The following SPG11 variants were observed in gnomAD, a reference collection of about 807,000 sequenced individuals.
The protein encoded by SPG11 is spatacsin.
Under a neutral mutation model 274.0 loss-of-function variants are expected in SPG11, and 222 were observed. The observed-to-expected ratio is 0.81, with a 90% CI of 0.73 to 0.91. The LOEUF (loss-of-function observed/expected upper bound fraction) is 0.91. Among genes scored for constraint, SPG11 ranks in the 40% least tolerant of loss-of-function variants. The pLI, the probability that SPG11 is intolerant of heterozygous loss-of-function variation, is 0.00. For missense variants in SPG11, 3,114 were observed against 2,872.7 expected, an observed-to-expected ratio of 1.08 and a Z score of -1.92; for synonymous variants, 1,144 against 1,039.7, an observed-to-expected ratio of 1.10 and a Z score of -1.93.
At position 44,564,539 on chromosome 15, in the gene SPG11, A is replaced by G. The variant is rs772301782; in HGVS notation, c.7151+8T>C. ...GAGCAATGTTTACAGTCAACTTTTA[A>G]TACTTACTTTTTGGAAATCTCTTCA... On this transcript the variant is annotated splice_region_variant and intron_variant, in intron 39 of 39. Coordinates refer to ENST00000261866, the MANE Select transcript of SPG11 (RefSeq NM_025137.4). The G allele has an allele frequency of 1.2e-6, 2 of 1,613,396 alleles. No homozygotes were observed. Among genetic ancestry groups the G allele is most frequent in the Non-Finnish European group, 1.7e-6 (2 of 1,179,826 alleles).
chr15:44,662,254 G>T (rs1863755), intron 1 of SPG11, among the ~76,000 whole-genome samples: 150,763 of 152,350 alleles, frequency 0.99, 74,613 homozygotes, highest in Middle Eastern at 1. Context: ...ATTCACTGAT[G>T]TATCAAATGA....
At chr15:44,600,752 T>A (rs2083164869) in intron 20 of SPG11, 120 bp from the exon 21 acceptor site, 13 of 1,031,098 alleles carry the variant, frequency 1.3e-5, no homozygotes, top group Non-Finnish European at 1.9e-5. Context: ...TCACTACGTA[T>A]CACTTTGAAT....
At chr15:44,568,410 A>G (rs768922339) in intron 35 of SPG11, among the ~76,000 whole-genome samples, 2 of 152,170 alleles carry the variant, frequency 1.3e-5, no homozygotes, top group Non-Finnish European at 2.9e-5. Flanking sequence ...TATTAAAGAG[A>G]GATTTTTTTC....
At chr15:44,619,453 T>C (rs2083678419) in intron 15 of SPG11, among the ~76,000 whole-genome samples, 2 of 152,190 alleles carry the variant, frequency 1.3e-5, no homozygotes, top group South Asian at 2.1e-4. Flanking sequence ...GTTTAAAATC[T>C]TCACATCACT....
intron 4 of SPG11, 110 bp from the exon 5 acceptor site, chr15:44,652,376 C>A (rs937268180): frequency 3.4e-6 from 4 of 1,160,860 alleles, no homozygotes; most frequent in Non-Finnish European, 5.0e-6. Flanking sequence ...AATAGTACAA[C>A]AAATTCCGCA....
intron 8 of SPG11, among the ~76,000 whole-genome samples, chr15:44,630,910 C>T (rs2084043117): frequency 6.6e-6 from 1 of 151,962 alleles, no homozygotes; most frequent in African/African-American, 2.4e-5. Flanking sequence ...AATATCTTTC[C>T]ACCACATATG....
Position 44,620,304 on chromosome 15 carries a change from T to G in SPG11, c.2720A>C (p.His907Pro). 6.2e-7 allele frequency: 1 copy of G among 1,614,098 alleles called. No homozygotes were observed. The highest frequency in any genetic ancestry group is 8.5e-7 in the Non-Finnish European group (1 of 1,179,940). ...GTTCTGCTGAAGTGAAGCATAACTATGCTGGGTTTGAAATTCTCCAATCCA... is the reference window on the plus strand; with the variant it reads ...GTTCTGCTGAAGTGAAGCATAACTAGGCTGGGTTTGAAATTCTCCAATCCA... The part of the protein sequence containing the change: ...ILWIGEFQTQ[H>P]SYASLQQNKW... The change falls in exon 15 of 40, where the codon CAT becomes CCT. Residue 907 changes from histidine to proline, a missense_variant. By Grantham distance (77) the His-to-Pro change is moderately conservative. Coordinates refer to ENST00000261866, the MANE Select transcript of SPG11 (RefSeq NM_025137.4).
At chr15:44,627,960 C>T (rs2083951745) in intron 10 of SPG11, among the ~76,000 whole-genome samples, 1 of 152,130 alleles carries the variant, frequency 6.6e-6, no homozygotes, top group Non-Finnish European at 1.5e-5. Flanking sequence ...GTACTTTAAT[C>T]CCTCCACCCC....
At chr15:44,639,005 T>A (rs562979147) in intron 7 of SPG11, among the ~76,000 whole-genome samples, 1,859 of 149,384 alleles carry the variant, frequency 0.012, 48 homozygotes, top group African/African-American at 0.044. Flanking sequence ...AAAAAAAAAA[T>A]AATAATAATA....
intron 7 of SPG11, among the ~76,000 whole-genome samples, chr15:44,639,212 G>A (rs2084368364): frequency 6.6e-6 from 1 of 151,302 alleles, no homozygotes; most frequent in East Asian, 1.9e-4. Flanking sequence ...CCTCATAGCA[G>A]GGAACATAAG....
In SPG11 at chr15:44,596,859, A is replaced by G. The variant is rs753713249; in HGVS notation, c.4086T>C (p.Leu1362=). The G allele has an allele frequency of 3.1e-6, 5 of 1,613,822 alleles. No homozygotes were observed. The South Asian group carries it at 4.4e-5, about 14-fold the overall frequency. Reference sequence around the variant, plus strand: ...AATCATTTGCTTTGGCACATTCTCTAAGGTAAGATATGCTTAGTTTCATAT... The same window carrying G: ...AATCATTTGCTTTGGCACATTCTCTGAGGTAAGATATGCTTAGTTTCATAT... ...LHNMKLSISY[L]RECAKANDWL... is the part of the protein sequence containing the mutation. Residue 1362 remains leucine, a synonymous_variant, in exon 24 of 40, where the codon CTT becomes CTC. Transcript: ENST00000261866.
chr15:44,635,437 C>T (rs1595906856), intron 7 of SPG11, among the ~76,000 whole-genome samples: 4 of 151,228 alleles, frequency 2.6e-5, no homozygotes, highest in Admixed American at 2.6e-4. Flanking sequence ...GACCTTGTCT[C>T]TACTAAAAAA....
chr15:44,605,216 T>C (rs1378615074), intron 20 of SPG11, among the ~76,000 whole-genome samples: 1 of 152,210 alleles, frequency 6.6e-6, no homozygotes, highest in African/African-American at 2.4e-5. Context: ...TTCTATTTGA[T>C]AATGCAATAA....
At chr15:44,578,918 G>A (rs2082601843) in intron 30 of SPG11, among the ~76,000 whole-genome samples, 1 of 152,194 alleles carries the variant, frequency 6.6e-6, no homozygotes, top group South Asian at 2.1e-4. Flanking sequence ...CACTTTGGGA[G>A]GCCAAGGTGG....
intron 7 of SPG11, among the ~76,000 whole-genome samples, chr15:44,646,931 A>C (rs1183660656): frequency 6.6e-6 from 1 of 152,174 alleles, no homozygotes; most frequent in Non-Finnish European, 1.5e-5. Flanking sequence ...ATGATATGCA[A>C]TTTACCTATG....
chr15:44,625,061 G>C (rs1276025162), intron 11 of SPG11, among the ~76,000 whole-genome samples: 11 of 151,828 alleles, frequency 7.2e-5, no homozygotes, highest in Admixed American at 7.2e-4. Context: ...TTTGAACCTG[G>C]GAGGTGGAAG....
intron 35 of SPG11, among the ~76,000 whole-genome samples, chr15:44,568,895 G>A (rs570104477): frequency 6.6e-6 from 1 of 152,204 alleles, no homozygotes; most frequent in African/African-American, 2.4e-5. Flanking sequence ...GCATCGGCTG[G>A]GCACGGTGGC....
At position 44,596,904 on chromosome 15, in the gene SPG11, C is replaced by T. The variant is rs377066151; in HGVS notation, c.4041G>A (p.Val1347=). 2.1e-5 allele frequency: 34 copies of T among 1,613,820 alleles called. 1 individual carries two copies. The East Asian group carries it at 2.5e-4, about 12-fold the overall frequency. ...SESSSQWALV[V]QFCRLHNMKL... The stretch of plus-strand genomic sequence containing the variant: ...TCATATTGTGTAGCCTGCAGAACTG[C>T]ACCACTAATGCCCATTGGCTGCTAG... The change falls in exon 24 of 40, where the codon GTG becomes GTA. Residue 1347 remains valine (V), a synonymous_variant. Coordinates refer to ENST00000261866, the MANE Select transcript of SPG11 (RefSeq NM_025137.4).
chr15:44,659,288 G>C lies in SPG11; in HGVS notation c.458C>G (p.Ser153Cys). ...DDQDISISLLSLRILSFHNNT... is the reference protein window; with the variant it reads ...DDQDISISLLCLRILSFHNNT... ...ATTGTGAAATGACAGGATTCTCAAA[G>C]ACAATAAGGAAATACCTACAAAACA... The change falls in exon 3 of 40, where the codon TCT becomes TGT. Residue 153 changes from serine to cysteine, a missense_variant. Transcript: ENST00000261866. 1 of 1,613,270 alleles carries C rather than the reference G, an allele frequency of 6.2e-7. No homozygotes were observed. Among genetic ancestry groups the C allele is most frequent in the South Asian group, 1.1e-5 (1 of 91,034 alleles).
Sources: allele counts gnomAD v4.1 joint callset (sites outside exome capture counted in the v4.1 genomes callset), GRCh38; gene constraint gnomAD v4.1.1; transcripts MANE v1.5; gene names NCBI Gene and HGNC (gene_info 2026-07-23, HGNC 2026-07-21).